CD9: variants seen among roughly 807,000 people sequenced by gnomAD.
The protein encoded by CD9 is CD9 molecule.
Under a neutral mutation model 31.4 loss-of-function variants are expected in CD9, and 10 were observed. The observed-to-expected ratio is 0.32, with a 90% CI of 0.20 to 0.54. The LOEUF (loss-of-function observed/expected upper bound fraction) is 0.54. Ranked by LOEUF, CD9 falls within the 20% of genes least tolerant of loss-of-function variation. CD9 has a pLI of 0.94. For missense variants in CD9, 259 were observed against 300.1 expected (o/e 0.86, Z 1.01); for synonymous variants, 113 against 114.1 (o/e 0.99, Z 0.06).
intron 1 of CD9, among the ~76,000 whole-genome samples, chr12:6,210,421 A>G (rs1445780750): frequency 1.3e-5 from 2 of 152,228 alleles, no homozygotes; most frequent in Non-Finnish European, 2.9e-5. Flanking sequence ...TGAAGCTCTC[A>G]GGACAAAGGC....
At position 6,208,419 on chromosome 12, in the gene CD9, A is replaced by T. The variant is rs368763080; in HGVS notation, c.66+7854A>T. On this transcript the variant is annotated intron_variant, in intron 1 of 7. Transcript: ENST00000009180. ...AGTCTAAGCTGTGTGTTAGTCTCCA[A>T]GTTCAGAAACAACACAATACATGGG... 5.3e-4 allele frequency among the ~76,000 whole-genome samples: 81 copies of T among 152,316 alleles called. 2 individuals carry two copies. In the South Asian group the frequency reaches 0.016, roughly 29 times the overall value.
chr12:6,225,893 C>G (rs931666195), intron 2 of CD9, among the ~76,000 whole-genome samples: 3 of 152,074 alleles, frequency 2.0e-5, no homozygotes, highest in African/African-American at 7.2e-5. Flanking sequence ...TTCCTTAATT[C>G]AAAAAGCTTT....
chr12:6,208,156 G>A (rs565463939), intron 1 of CD9, among the ~76,000 whole-genome samples: 7 of 151,930 alleles, frequency 4.6e-5, no homozygotes, highest in Admixed American at 2.6e-4. Flanking sequence ...CCTGGGAGGC[G>A]GCGGTTGCAG....
intron 1 of CD9, among the ~76,000 whole-genome samples, chr12:6,203,864 G>T (rs1317124855): frequency 6.6e-6 from 1 of 152,082 alleles, no homozygotes; most frequent in African/African-American, 2.4e-5. Flanking sequence ...AACTCCTTAG[G>T]GCAAAAGAGG....
intron 1 of CD9, among the ~76,000 whole-genome samples, chr12:6,208,730 C>T (rs1946160519): frequency 1.3e-5 from 2 of 152,000 alleles, no homozygotes; most frequent in South Asian, 4.2e-4. Flanking sequence ...TGCCACCATG[C>T]CCGGCTAATT....
intron 1 of CD9, among the ~76,000 whole-genome samples, chr12:6,209,052 T>C (rs912650703): frequency 1.3e-5 from 2 of 152,114 alleles, no homozygotes; most frequent in African/African-American, 4.8e-5. Flanking sequence ...TACTGCAACC[T>C]CTGCCTCCCA....
Position 6,238,005 on chromosome 12 carries a change from A to T in CD9, c.*177A>T, listed in dbSNP as rs1946542823. On this transcript the variant is annotated 3_prime_UTR_variant, in exon 8 of 8. Transcript: ENST00000009180. Reference sequence around the variant, plus strand: ...CTTTATGTTTGTCTTTTAATGCTTCATTCAATATTGACATTTGTAGTTGAG... The same window carrying T: ...CTTTATGTTTGTCTTTTAATGCTTCTTTCAATATTGACATTTGTAGTTGAG... 1 of 534,114 alleles carries T rather than the reference A, an allele frequency of 1.9e-6. No individual in the cohort carries two copies. Among genetic ancestry groups the T allele is most frequent in the South Asian group, 2.2e-5 (1 of 45,082 alleles). The allele number at this position is 534,114 out of a possible 1,614,324, so 33.1% of individuals were successfully genotyped here. A position where few individuals can be genotyped will look rare whatever the true frequency, so the allele number is the denominator to read the frequency against.
chr12:6,220,556 T>C (rs529859335), intron 1 of CD9, among the ~76,000 whole-genome samples: 5 of 152,212 alleles, frequency 3.3e-5, no homozygotes, highest in African/African-American at 1.2e-4. Flanking sequence ...TTTTCTTCTG[T>C]TTGGATTTTT....
chr12:6,237,909 T>C lies in CD9; in HGVS notation c.*81T>C, dbSNP rs1946541774. On this transcript the variant is annotated 3_prime_UTR_variant, in exon 8 of 8. Coordinates refer to ENST00000009180, the MANE Select transcript of CD9 (RefSeq NM_001769.4). ...TTGTTTGTTTGTTTTGTTTTGTTTGTTGTTTGTTGTTTGTTTTTTTGCCAC... is the reference window on the plus strand; with the variant it reads ...TTGTTTGTTTGTTTTGTTTTGTTTGCTGTTTGTTGTTTGTTTTTTTGCCAC... 2.8e-6 allele frequency: 3 copies of C among 1,067,168 alleles called. No homozygotes were observed. The highest frequency in any genetic ancestry group is 4.8e-5 in the East Asian group (2 of 41,318). The allele number at this position is 1,067,168 out of a possible 1,614,324, so 66.1% of individuals were successfully genotyped here.
At chr12:6,219,251 C>G (rs1946270227) in intron 1 of CD9, among the ~76,000 whole-genome samples, 1 of 152,138 alleles carries the variant, frequency 6.6e-6, no homozygotes, top group South Asian at 2.1e-4. Flanking sequence ...AGTGATCCGC[C>G]TGCCTTGGCC....
At chr12:6,214,063 A>G (rs1389308543) in intron 1 of CD9, among the ~76,000 whole-genome samples, 2 of 152,186 alleles carry the variant, frequency 1.3e-5, no homozygotes, top group African/African-American at 2.4e-5. Flanking sequence ...AGCACCGTGC[A>G]TCGAGAAGAG....
rs181225164 is a variant in CD9, at chr12:6,228,435, C to T, written c.175+2901C>T. Among the ~76,000 whole-genome samples the T allele has an allele frequency of 3.0e-3, 458 of 151,934 alleles. 1 individual carries two copies. Among genetic ancestry groups the T allele is most frequent in the South Asian group, 0.021 (99 of 4,798 alleles). ...GGCGTAGTGGCGTGCACCTATAATC[C>T]CAGCTACTCGGGAGGCTGAGGCACA... is the stretch of plus-strand genomic sequence containing the variant. On this transcript the variant is annotated intron_variant, in intron 2 of 7. Transcript: ENST00000009180.
chr12:6,217,554 G>T (rs897926063), intron 1 of CD9, among the ~76,000 whole-genome samples: 5 of 152,044 alleles, frequency 3.3e-5, no homozygotes, highest in African/African-American at 9.7e-5. Context: ...TTTCCCAGAT[G>T]ATTCTGATGC....
intron 1 of CD9, among the ~76,000 whole-genome samples, chr12:6,211,131 C>T (rs1351223662): frequency 6.6e-6 from 1 of 152,138 alleles, no homozygotes. Flanking sequence ...CCACCGTGCC[C>T]GGCCCGAGCA....
intron 2 of CD9, among the ~76,000 whole-genome samples, chr12:6,229,105 A>G (rs1946408196): frequency 1.3e-5 from 2 of 152,222 alleles, no homozygotes; most frequent in South Asian, 4.1e-4. Flanking sequence ...CAAGATCCCT[A>G]ATCCCAGGCT....
chr12:6,211,134 C>G (rs1354654349), intron 1 of CD9, among the ~76,000 whole-genome samples: 2 of 152,172 alleles, frequency 1.3e-5, no homozygotes, highest in Non-Finnish European at 2.9e-5. Context: ...CCGTGCCCGG[C>G]CCGAGCAACT....
chr12:6,228,597 C>G (rs1203049502), intron 2 of CD9, among the ~76,000 whole-genome samples: 1 of 149,962 alleles, frequency 6.7e-6, no homozygotes, highest in Non-Finnish European at 1.5e-5. Context: ...GCACAGCACT[C>G]TGAGCACTGC....
chr12:6,209,041 A>T (rs1459703994), intron 1 of CD9, among the ~76,000 whole-genome samples: 1 of 150,872 alleles, frequency 6.6e-6, no homozygotes, highest in Non-Finnish European at 1.5e-5. Context: ...CAATCTTGGC[A>T]TACTGCAACC....
intron 1 of CD9, among the ~76,000 whole-genome samples, chr12:6,214,259 T>C (rs928783534): frequency 6.6e-6 from 1 of 151,902 alleles, no homozygotes; most frequent in Non-Finnish European, 1.5e-5. Flanking sequence ...GCGTGGGTCC[T>C]TGTACATAGT....
Sources: gnomAD v4.1 joint callset for allele counts (sites outside exome capture counted in the v4.1 genomes callset) on GRCh38, gnomAD v4.1.1 for gene constraint, MANE v1.5 for transcripts, NCBI Gene and HGNC (gene_info 2026-07-23, HGNC 2026-07-21) for gene names.